The following GLIS1 variants were observed in gnomAD, a reference collection of about 807,000 sequenced individuals.
GLIS1 encodes GLIS family zinc finger 1, also known as zinc finger protein GLIS1.
GLIS1 carries 24 observed loss-of-function variants against 63.8 expected under a neutral mutation model. The ratio of observed to expected loss-of-function variants is 0.38; its 90% confidence interval spans 0.27 to 0.53. The LOEUF is 0.53. Ranked by LOEUF, GLIS1 falls within the 20% of genes least tolerant of loss-of-function variation. The probability of loss-of-function intolerance (pLI) is 0.85; values close to 1 mark genes in which losing one functional copy is unlikely to be tolerated. For synonymous variants in GLIS1, 450 were observed against 482.5 expected (o/e 0.93, Z 0.88); for missense variants, 1,036 against 1,074.1 (o/e 0.96, Z 0.50).
intron 2 of GLIS1, among the ~76,000 whole-genome samples, chr1:53,715,539 C>A (rs556473371): frequency 6.6e-5 from 10 of 152,194 alleles, no homozygotes; most frequent in African/African-American, 2.2e-4. Context: ...GCATTTACAC[C>A]GGCTGCTGGG....
intron 2 of GLIS1, among the ~76,000 whole-genome samples, chr1:53,682,805 G>A (rs1021035087): frequency 6.6e-6 from 1 of 152,170 alleles, no homozygotes; most frequent in African/African-American, 2.4e-5. Flanking sequence ...ACCTACAGAG[G>A]GACTGTGGCC....
In GLIS1 at chr1:53,561,928, G is replaced by A. The variant is rs78960248; in HGVS notation, c.1321-31976C>T. On this transcript the variant is annotated intron_variant, in intron 4 of 10. Coordinates refer to ENST00000628545, the MANE Select transcript of GLIS1 (RefSeq NM_001367484.1). Reference sequence around the variant, plus strand: ...TCGGGAGGCTGGCTTCACTATTCCCGTCTCAGAGGTGGTGAGACAGGCTCA... The same window carrying A: ...TCGGGAGGCTGGCTTCACTATTCCCATCTCAGAGGTGGTGAGACAGGCTCA... Among the ~76,000 whole-genome samples, 471 of 152,286 alleles carry A rather than the reference G, an allele frequency of 3.1e-3. 5 individuals carry two copies. The highest frequency in any genetic ancestry group is 0.011 in the African/African-American group (441 of 41,562).
chr1:53,537,630 G>A (rs1388392898), intron 4 of GLIS1, among the ~76,000 whole-genome samples: 1 of 152,206 alleles, frequency 6.6e-6, no homozygotes, highest in Non-Finnish European at 1.5e-5. Flanking sequence ...GTAGGAACTG[G>A]CACATAGCTG....
At chr1:53,532,572 C>G (rs570925153) in intron 4 of GLIS1, among the ~76,000 whole-genome samples, 3 of 152,364 alleles carry the variant, frequency 2.0e-5, no homozygotes, top group African/African-American at 7.2e-5. Flanking sequence ...AAATAGGCTG[C>G]AAGCCACCTC....
chr1:53,679,439 A>C (rs1646251607), intron 2 of GLIS1, among the ~76,000 whole-genome samples: 1 of 152,238 alleles, frequency 6.6e-6, no homozygotes, highest in Admixed American at 6.5e-5. Flanking sequence ...TCTGACCTGA[A>C]GCATCTGCTG....
At position 53,595,014 on chromosome 1, in the gene GLIS1, T is replaced by C. The variant is rs116839364; in HGVS notation, c.438-24A>G. On this transcript the variant is annotated intron_variant, in intron 3 of 10. Coordinates refer to ENST00000628545, the MANE Select transcript of GLIS1 (RefSeq NM_001367484.1). The stretch of plus-strand genomic sequence containing the variant: ...ACCTGGAAGACAGTGCCCAGAGAGG[T>C]CATGAGAGGCTGGGCTCGCCACAGA... 12,157 of 1,400,124 alleles carry C rather than the reference T, an allele frequency of 8.7e-3. 865 individuals are homozygous for C. The African/African-American group carries it at 0.16, about 18-fold the overall frequency. 86.7% of individuals were successfully genotyped at this position (1,400,124 alleles called of 1,614,324 possible). A position where few individuals can be genotyped will look rare whatever the true frequency, so the allele number is the denominator to read the frequency against.
At position 53,662,504 on chromosome 1, in the gene GLIS1, T is replaced by A. The variant is rs567507563; in HGVS notation, c.260-62226A>T. ...GATGATGATGAGGGCTGTTCTCCCA[T>A]CTCCTGCTGTGGGGACCCCAAGTGG... is the stretch of plus-strand genomic sequence containing the variant. On this transcript the variant is annotated intron_variant, in intron 2 of 10. Transcript: ENST00000628545. 1.6e-4 allele frequency among the ~76,000 whole-genome samples: 25 copies of A among 152,166 alleles called. No individual in the cohort carries two copies. The South Asian group carries it at 5.0e-3, about 30-fold the overall frequency.
chr1:53,693,938 C>T (rs1411746498), intron 2 of GLIS1, among the ~76,000 whole-genome samples: 1 of 152,226 alleles, frequency 6.6e-6, no homozygotes, highest in African/African-American at 2.4e-5. Context: ...GTGTCATCAC[C>T]GTCACTCTGA....
intron 2 of GLIS1, among the ~76,000 whole-genome samples, chr1:53,711,638 T>G (rs942701237): frequency 2.0e-5 from 3 of 152,162 alleles, no homozygotes; most frequent in African/African-American, 7.2e-5. Context: ...AGCCTTAGTC[T>G]CCTGTCAGTT....
At position 53,560,076 on chromosome 1, in the gene GLIS1, G is replaced by A. The variant is rs2100435869; in HGVS notation, c.1321-30124C>T. On this transcript the variant is annotated intron_variant, in intron 4 of 10. Coordinates refer to ENST00000628545, the MANE Select transcript of GLIS1 (RefSeq NM_001367484.1). The surrounding 1 kb of genome is among the most constrained non-coding windows in gnomAD (Gnocchi z 4.4). The stretch of plus-strand genomic sequence containing the variant: ...GATTAGAGGCCCGTAGACTCCCACA[G>A]CTGCATGCCTAGCAGGATGAAGCAC... Among the ~76,000 whole-genome samples, 1 of 152,298 alleles carries A rather than the reference G, an allele frequency of 6.6e-6. No individual in the cohort carries two copies. Among genetic ancestry groups the A allele is most frequent in the Non-Finnish European group, 1.5e-5 (1 of 68,022 alleles).
intron 2 of GLIS1, among the ~76,000 whole-genome samples, chr1:53,604,975 T>C (rs1023634012): frequency 5.3e-5 from 8 of 150,920 alleles, no homozygotes; most frequent in African/African-American, 4.9e-5. Context: ...CACACACAAA[T>C]GAGTGGGACT....
chr1:53,667,371 G>A (rs1646104327), intron 2 of GLIS1, among the ~76,000 whole-genome samples: 1 of 152,202 alleles, frequency 6.6e-6, no homozygotes, highest in Non-Finnish European at 1.5e-5. Flanking sequence ...TCTTGAGGGA[G>A]ACCTCATTAT....
chr1:53,580,526 G>A (rs1645074770), intron 4 of GLIS1, among the ~76,000 whole-genome samples: 1 of 152,180 alleles, frequency 6.6e-6, no homozygotes, highest in Non-Finnish European at 1.5e-5. Flanking sequence ...TAAGAGGCCT[G>A]GTCAGGGGTC....
intron 4 of GLIS1, among the ~76,000 whole-genome samples, chr1:53,530,177 C>T (rs141103335): frequency 2.0e-5 from 3 of 152,324 alleles, no homozygotes; most frequent in Admixed American, 6.5e-5. Context: ...AGAAATAGGG[C>T]GTGAGGGCTG....
chr1:53,527,680 C>G (rs562366764), intron 5 of GLIS1, among the ~76,000 whole-genome samples: 4 of 152,264 alleles, frequency 2.6e-5, no homozygotes, highest in African/African-American at 9.6e-5. Context: ...AGGCCCTGCC[C>G]TGTGAGGGGC....
intron 2 of GLIS1, among the ~76,000 whole-genome samples, chr1:53,659,049 C>T (rs1264744779): frequency 6.6e-6 from 1 of 152,196 alleles, no homozygotes; most frequent in East Asian, 1.9e-4. Context: ...GCCGTAAGTA[C>T]TTGGCACAGC....
At chr1:53,721,435 C>G (rs927317861) in intron 2 of GLIS1, among the ~76,000 whole-genome samples, 1 of 152,072 alleles carries the variant, frequency 6.6e-6, no homozygotes, top group Non-Finnish European at 1.5e-5. Context: ...GTAAACACCA[C>G]GTAAAGTTTA....
At chr1:53,620,787 C>T (rs531562705) in intron 2 of GLIS1, among the ~76,000 whole-genome samples, 137 of 152,278 alleles carry the variant, frequency 9.0e-4, no homozygotes, top group African/African-American at 3.2e-3. Context: ...CGATGGAGGA[C>T]GAACAGGACC....
chr1:53,534,972 G>C (rs1462891197), intron 4 of GLIS1, among the ~76,000 whole-genome samples: 1 of 152,010 alleles, frequency 6.6e-6, no homozygotes, highest in Admixed American at 6.5e-5. Flanking sequence ...CCCAGGCAGG[G>C]GCTAGAAACA....
Sources: allele counts gnomAD v4.1 joint callset (sites outside exome capture counted in the v4.1 genomes callset), GRCh38; gene constraint gnomAD v4.1.1; non-coding constraint Gnocchi (gnomAD v3.1); transcripts MANE v1.5; gene names NCBI Gene and HGNC (gene_info 2026-07-23, HGNC 2026-07-21).